The following KIAA1217 variants were observed in gnomAD, a reference collection of about 807,000 sequenced individuals.
KIAA1217 encodes the protein sickle tail protein homolog.
Under a neutral mutation model 163.9 loss-of-function variants are expected in KIAA1217, and 88 were observed. The observed-to-expected ratio is 0.54, with a 90% CI of 0.45 to 0.64. KIAA1217 has a LOEUF of 0.64. Ranked by LOEUF, KIAA1217 falls within the 30% of genes least tolerant of loss-of-function variation. The pLI is 0.00. For synonymous variants in KIAA1217, 903 were observed against 923.1 expected (o/e 0.98, Z 0.39); for missense variants, 2,372 against 2,475.0 (o/e 0.96, Z 0.88).
At chr10:24,149,871 G>T (rs1357010141) in intron 2 of KIAA1217, among the ~76,000 whole-genome samples, 1 of 151,766 alleles carries the variant, frequency 6.6e-6, no homozygotes, top group Non-Finnish European at 1.5e-5. Context: ...CAAAATAAGT[G>T]CAACTATTAT....
chr10:24,043,389 T>C (rs1241265030), intron 2 of KIAA1217, among the ~76,000 whole-genome samples: 1 of 152,136 alleles, frequency 6.6e-6, no homozygotes, highest in Admixed American at 6.6e-5. Context: ...CCTGACCTCT[T>C]CTCCATTAAA....
intron 2 of KIAA1217, among the ~76,000 whole-genome samples, chr10:24,040,281 G>A (rs1262863547): frequency 3.3e-5 from 5 of 152,196 alleles, no homozygotes; most frequent in Non-Finnish European, 7.4e-5. Context: ...GCTAGTGGGT[G>A]GAGAATCCTG....
intron 3 of KIAA1217, among the ~76,000 whole-genome samples, chr10:24,391,333 C>CTTTTTTTTTTTTTTTTTTTTT (rs768727392): frequency 6.7e-5 from 2 of 29,888 alleles, no homozygotes; most frequent in Non-Finnish European, 5.2e-5. Context: ...TTCTTTCTTT[C>CTTTTTTTTTTTTTTTTTTTTT]TTTTTTTTTT....
At chr10:24,313,157 G>C (rs2042924180) in intron 2 of KIAA1217, among the ~76,000 whole-genome samples, 1 of 152,156 alleles carries the variant, frequency 6.6e-6, no homozygotes, top group African/African-American at 2.4e-5. Context: ...ATCTCTTCCA[G>C]TTAACTGCTG....
At chr10:23,861,857 T>C (rs1365846611) in intron 1 of KIAA1217, among the ~76,000 whole-genome samples, 1 of 152,204 alleles carries the variant, frequency 6.6e-6, no homozygotes, top group East Asian at 1.9e-4. Flanking sequence ...TTCCTCCTTG[T>C]GAGCCTCAGA....
At chr10:24,343,554 A>C (rs1638927513) in intron 2 of KIAA1217, among the ~76,000 whole-genome samples, 1 of 152,204 alleles carries the variant, frequency 6.6e-6, no homozygotes, top group Non-Finnish European at 1.5e-5. Flanking sequence ...TAAAGTTTGC[A>C]TGTATTTTTC....
chr10:23,941,871 G>C (rs1393941889), intron 1 of KIAA1217, among the ~76,000 whole-genome samples: 1 of 152,070 alleles, frequency 6.6e-6, no homozygotes, highest in Non-Finnish European at 1.5e-5. Context: ...TATATCCCAA[G>C]ACTAAACATT....
At chr10:23,956,273 C>T (rs973338596) in intron 1 of KIAA1217, among the ~76,000 whole-genome samples, 2 of 152,010 alleles carry the variant, frequency 1.3e-5, no homozygotes, top group Non-Finnish European at 2.9e-5. Flanking sequence ...TACCTCTCAC[C>T]CCAAATTTAA....
At chr10:24,298,833 A>C (rs2040944153) in intron 2 of KIAA1217, among the ~76,000 whole-genome samples, 1 of 152,058 alleles carries the variant, frequency 6.6e-6, no homozygotes, top group African/African-American at 2.4e-5. Context: ...TAAAATAAAT[A>C]GTAAGAGCAT....
intron 1 of KIAA1217, among the ~76,000 whole-genome samples, chr10:23,832,463 G>A (rs1042868411): frequency 5.9e-5 from 9 of 152,064 alleles, no homozygotes; most frequent in African/African-American, 2.2e-4. Context: ...AAGGATGTTT[G>A]ATTACATCAC....
At chr10:23,798,385 C>T (rs1439987407) in intron 1 of KIAA1217, among the ~76,000 whole-genome samples, 1 of 152,230 alleles carries the variant, frequency 6.6e-6, no homozygotes, top group African/African-American at 2.4e-5. Flanking sequence ...ATAGGTGTCA[C>T]ATTCTGTGTC....
intron 2 of KIAA1217, among the ~76,000 whole-genome samples, chr10:24,193,151 T>C (rs1251640900): frequency 6.6e-6 from 1 of 152,042 alleles, no homozygotes; most frequent in Non-Finnish European, 1.5e-5. Flanking sequence ...ATTCCTGGGC[T>C]TGAGCGATCT....
intron 1 of KIAA1217, among the ~76,000 whole-genome samples, chr10:23,918,731 T>TACAC (rs200464517): frequency 4.1e-4 from 57 of 137,910 alleles, no homozygotes; most frequent in African/African-American, 1.6e-3. Flanking sequence ...GAATTAAATA[T>TACAC]ATACACACAC....
intron 2 of KIAA1217, among the ~76,000 whole-genome samples, chr10:24,244,939 T>A (rs2073598569): frequency 1.3e-5 from 2 of 152,138 alleles, no homozygotes; most frequent in African/African-American, 4.8e-5. Context: ...AGGAACAGTC[T>A]TCAACTTCCT....
intron 1 of KIAA1217, among the ~76,000 whole-genome samples, chr10:23,909,676 C>G (rs1231956123): frequency 6.6e-6 from 1 of 152,082 alleles, no homozygotes; most frequent in Non-Finnish European, 1.5e-5. Flanking sequence ...GCCACATTTT[C>G]TTTATCCAGT....
chr10:24,355,446 T>G (rs2134101323), intron 2 of KIAA1217, among the ~76,000 whole-genome samples: 1 of 152,278 alleles, frequency 6.6e-6, no homozygotes. Flanking sequence ...GACCTCTGTC[T>G]TCTTGCTGTG....
At chr10:23,741,008 G>C (rs563446436) in intron 1 of KIAA1217, among the ~76,000 whole-genome samples, 2 of 152,294 alleles carry the variant, frequency 1.3e-5, no homozygotes, top group South Asian at 4.1e-4. Context: ...TCAAATGTTA[G>C]TTTGCTCTTT....
intron 5 of KIAA1217, among the ~76,000 whole-genome samples, 163 bp from the exon 6 acceptor site, chr10:24,473,065 A>C (rs2063697919): frequency 1.3e-5 from 2 of 152,030 alleles, no homozygotes; most frequent in South Asian, 4.2e-4. Context: ...CCTCAACTTC[A>C]CCCCATCTGC....
intron 2 of KIAA1217, among the ~76,000 whole-genome samples, chr10:24,171,227 C>T (rs960359766): frequency 1.3e-5 from 2 of 152,202 alleles, no homozygotes; most frequent in African/African-American, 4.8e-5. Context: ...TCATCATCTT[C>T]TTCATCATCA....
Sources: gnomAD v4.1 joint callset for allele counts (sites outside exome capture counted in the v4.1 genomes callset) on GRCh38, gnomAD v4.1.1 for gene constraint, MANE v1.5 for transcripts, NCBI Gene and HGNC (gene_info 2026-07-23, HGNC 2026-07-21) for gene names.